Variants in ANKRD28 observed in about 807,000 individuals in gnomAD.
ANKRD28 encodes the protein ankyrin repeat domain 28, also known as serine/threonine-protein phosphatase 6 regulatory ankyrin repeat subunit A.
Under a neutral mutation model 126.5 loss-of-function variants are expected in ANKRD28, and 44 were observed. The observed-to-expected ratio is 0.35, with a 90% CI of 0.27 to 0.45. The LOEUF is 0.45. Ranked by LOEUF, ANKRD28 falls within the 20% of genes least tolerant of loss-of-function variation. The pLI, the probability that ANKRD28 is intolerant of heterozygous loss-of-function variation, is 1.00. For synonymous variants in ANKRD28, 442 were observed against 468.5 expected, an observed-to-expected ratio of 0.94 and a Z score of 0.73; for missense variants, 1,110 against 1,316.6, an observed-to-expected ratio of 0.84 and a Z score of 2.43.
At chr3:15,694,530 T>TTC (rs2069257419) in intron 17 of ANKRD28, among the ~76,000 whole-genome samples, 1 of 152,104 alleles carries the variant, frequency 6.6e-6, no homozygotes, top group East Asian at 1.9e-4. Flanking sequence ...TTTTTTTTTT[T>TTC]TCTAAAGCAA....
At chr3:15,788,094 G>A (rs2059864302) in intron 2 of ANKRD28, among the ~76,000 whole-genome samples, 1 of 152,120 alleles carries the variant, frequency 6.6e-6, no homozygotes, top group Admixed American at 6.6e-5. Context: ...ACTAAAAACA[G>A]TTTGGCTGGA....
chr3:15,688,038 T>C (rs1348920273), intron 18 of ANKRD28, among the ~76,000 whole-genome samples: 1 of 152,210 alleles, frequency 6.6e-6, no homozygotes, highest in African/African-American at 2.4e-5. Flanking sequence ...ATTTATTGAA[T>C]AGATAGGCAC....
At chr3:15,790,817 G>C (rs1013804870) in intron 2 of ANKRD28, among the ~76,000 whole-genome samples, 4 of 151,982 alleles carry the variant, frequency 2.6e-5, no homozygotes, top group Non-Finnish European at 5.9e-5. Flanking sequence ...AGATATCAAA[G>C]GCATACAAAT....
rs751565279 is a variant in ANKRD28, at chr3:15,711,278, C to T, written c.1274-4G>A. ...TCTGGGGTATCTATATCAAATCCTA[C>T]AAGAATGAATACATCTTATTTATAA... On this transcript the variant is annotated splice_region_variant and splice_polypyrimidine_tract_variant and intron_variant, in intron 11 of 27. Coordinates refer to ENST00000683139, the MANE Select transcript of ANKRD28 (RefSeq NM_001349278.2). The T allele has an allele frequency of 1.0e-5, 16 of 1,606,110 alleles. No homozygotes were observed. In the East Asian group the frequency reaches 3.6e-4, roughly 36 times the overall value.
chr3:15,853,786 T>C lies in ANKRD28; in HGVS notation c.27+5591A>G, dbSNP rs960806843. Among the ~76,000 whole-genome samples, 1 of 152,164 alleles carries C rather than the reference T, an allele frequency of 6.6e-6. No individual in the cohort carries two copies. Among genetic ancestry groups the C allele is most frequent in the African/African-American group, 2.4e-5 (1 of 41,426 alleles). Reference sequence around the variant, plus strand: ...GCCCGGCCCTAAAATCAATGTTTAATTGTATTTTCATAATGTTGAATTTAC... The same window carrying C: ...GCCCGGCCCTAAAATCAATGTTTAACTGTATTTTCATAATGTTGAATTTAC... On this transcript the variant is annotated intron_variant, in intron 1 of 27. Coordinates refer to the ANKRD28 transcript ENST00000399451. The surrounding 1 kb of genome is among the most constrained non-coding windows in gnomAD (Gnocchi z 4.2).
At chr3:15,835,262 AATCTGTTC>A (rs1293112097) in intron 1 of ANKRD28, among the ~76,000 whole-genome samples, 1 of 152,238 alleles carries the variant, frequency 6.6e-6, no homozygotes, top group African/African-American at 2.4e-5. Flanking sequence ...AACAGTAAGC[AATCTGTTC>A]ATCCTATAAT....
At chr3:15,847,601 G>C (rs1482311107) in intron 1 of ANKRD28, among the ~76,000 whole-genome samples, 3 of 152,122 alleles carry the variant, frequency 2.0e-5, no homozygotes, top group Non-Finnish European at 4.4e-5. Flanking sequence ...CTAAATCTTA[G>C]GCCCTCTAGT....
At chr3:15,827,029 C>G (rs1379603304) in intron 1 of ANKRD28, among the ~76,000 whole-genome samples, 1 of 152,156 alleles carries the variant, frequency 6.6e-6, no homozygotes, top group African/African-American at 2.4e-5. Flanking sequence ...AGTTCACTCT[C>G]TCATCACCAG....
chr3:15,679,828 C>T (rs1417136486), intron 21 of ANKRD28, among the ~76,000 whole-genome samples: 1 of 151,798 alleles, frequency 6.6e-6, no homozygotes, highest in Non-Finnish European at 1.5e-5. Context: ...CAACCAACCC[C>T]AAATTAAAAA....
rs2060730437 is a variant in ANKRD28 at position 15,812,231 on chromosome 3, G to C, written c.28-16925C>G. Among the ~76,000 whole-genome samples the C allele has an allele frequency of 6.6e-6, 1 of 152,124 alleles. No homozygotes were observed. The highest frequency in any genetic ancestry group is 6.5e-5 in the Admixed American group (1 of 15,278). ...GATGATAATCAAAGATGGCATCATA[G>C]AGCTGGGCACAGCGGTGTACACCTG... On this transcript the variant is annotated intron_variant, in intron 1 of 27. Coordinates refer to the ANKRD28 transcript ENST00000399451. The surrounding 1 kb of genome is among the most constrained non-coding windows in gnomAD (Gnocchi z 4.1).
At chr3:15,761,749 T>C (rs1057252121) in intron 3 of ANKRD28, among the ~76,000 whole-genome samples, 2 of 152,216 alleles carry the variant, frequency 1.3e-5, no homozygotes, top group African/African-American at 4.8e-5. Flanking sequence ...CTAAAATGTG[T>C]AGTATATCTT....
chr3:15,714,392 T>A (rs557489225), intron 9 of ANKRD28, among the ~76,000 whole-genome samples, 186 bp downstream of exon 9: 1 of 152,122 alleles, frequency 6.6e-6, no homozygotes, highest in East Asian at 1.9e-4. Flanking sequence ...AACAAAAGTA[T>A]GAAAGATACA....
intron 2 of ANKRD28, among the ~76,000 whole-genome samples, chr3:15,777,895 CACACACA>C (rs2059368895): frequency 3.4e-5 from 5 of 148,594 alleles, no homozygotes; most frequent in African/African-American, 1.2e-4. Flanking sequence ...CACACACACA[CACACACA>C]CCCTCTCCGC....
chr3:15,755,643 G>A (rs2058112108), intron 3 of ANKRD28, among the ~76,000 whole-genome samples: 1 of 152,166 alleles, frequency 6.6e-6, no homozygotes. Context: ...GGAGATACAG[G>A]GGAGGCAGGG....
At chr3:15,677,926 G>A (rs2067121406) in intron 24 of ANKRD28, among the ~76,000 whole-genome samples, 1 of 152,046 alleles carries the variant, frequency 6.6e-6, no homozygotes, top group African/African-American at 2.4e-5. Flanking sequence ...GAGGCATAAG[G>A]TCATTTAGCT....
At chr3:15,688,804 G>C (rs537976049) in intron 18 of ANKRD28, among the ~76,000 whole-genome samples, 1 of 152,208 alleles carries the variant, frequency 6.6e-6, no homozygotes, top group Admixed American at 6.5e-5. Context: ...GTATTTTAAC[G>C]TATCTGCTAC....
chr3:15,688,153 C>A (rs1428965838), intron 18 of ANKRD28, among the ~76,000 whole-genome samples: 1 of 152,174 alleles, frequency 6.6e-6, no homozygotes, highest in Non-Finnish European at 1.5e-5. Context: ...TCAATATTTA[C>A]CTATTGAGAG....
intron 13 of ANKRD28, 84 bp from the exon 14 acceptor site, chr3:15,708,148 C>T: frequency 2.8e-6 from 4 of 1,430,860 alleles, no homozygotes; most frequent in East Asian, 2.5e-5. Context: ...TTACTCCTCC[C>T]AGTTACAAAT....
At position 15,690,146 on chromosome 3, in the gene ANKRD28, A is replaced by G; in HGVS notation, c.1836T>C (p.Ser612=). Residue 612 remains serine (S), a synonymous_variant, in exon 18 of 28, where the codon AGT becomes AGC. Transcript: ENST00000683139. ...SLLDLDVRNS[S]GRTPLDLAAF... is the part of the protein sequence containing the mutation. The stretch of plus-strand genomic sequence containing the variant: ...CTGCAAGATCTAGGGGTGTTCTTCC[A>G]CTACTATTTCTGACATCAAGATCTA... The G allele has an allele frequency of 6.2e-7, 1 of 1,609,766 alleles. No individual in the cohort carries two copies. The highest frequency in any genetic ancestry group is 8.5e-7 in the Non-Finnish European group (1 of 1,177,844).
Sources: allele counts gnomAD v4.1 joint callset (sites outside exome capture counted in the v4.1 genomes callset), GRCh38; gene constraint gnomAD v4.1.1; non-coding constraint Gnocchi (gnomAD v3.1); transcripts MANE v1.5; gene names NCBI Gene and HGNC (gene_info 2026-07-23, HGNC 2026-07-21).